The following MAGI1 variants were observed in gnomAD, a reference collection of about 807,000 sequenced individuals.
MAGI1 encodes membrane associated guanylate kinase, WW and PDZ domain containing 1.
MAGI1 carries 58 observed loss-of-function variants against 139.9 expected under a neutral mutation model. The ratio of observed to expected loss-of-function variants is 0.41; its 90% CI spans 0.34 to 0.52. MAGI1 has a LOEUF of 0.52. Ranked by LOEUF, MAGI1 falls within the 20% of genes least tolerant of loss-of-function variation. The pLI is 0.12. For missense variants in MAGI1, 1,874 were observed against 1,901.6 expected, an observed-to-expected ratio of 0.99 and a Z score of 0.27; for synonymous variants, 812 against 737.9, an observed-to-expected ratio of 1.10 and a Z score of -1.63.
Position 65,364,897 on chromosome 3 carries a change from G to A in MAGI1, c.3246C>T (p.Ile1082=), listed in dbSNP as rs748403286. 1.2e-6 allele frequency: 2 copies of A among 1,614,062 alleles called. No homozygotes were observed. Among genetic ancestry groups the A allele is most frequent in the East Asian group, 4.5e-5 (2 of 44,866 alleles). ...LLTNAEKIAT[I]TTTHTPSQQG... ...GCTGAGAAGGGGTGTGTGTGGTGGT[G>A]ATGGTGGCAATCTTCTCTGCATTGG... is the stretch of plus-strand genomic sequence containing the variant. The change falls in exon 19 of 23, where the codon ATC becomes ATT. Residue 1082 remains isoleucine (I), a synonymous_variant. Transcript: ENST00000402939.
At chr3:65,951,338 TACTC>T (rs1043221947) in intron 1 of MAGI1, among the ~76,000 whole-genome samples, 1 of 152,196 alleles carries the variant, frequency 6.6e-6, no homozygotes, top group Non-Finnish European at 1.5e-5. Context: ...AAATTGAAAA[TACTC>T]AATGCTGTTA....
intron 2 of MAGI1, among the ~76,000 whole-genome samples, chr3:65,519,064 C>G (rs1390796288): frequency 1.3e-5 from 2 of 152,198 alleles, no homozygotes; most frequent in East Asian, 3.9e-4. Flanking sequence ...ACAGGTAACA[C>G]CAAACGCAAA....
chr3:65,461,615 A>G (rs1413211347), intron 5 of MAGI1, among the ~76,000 whole-genome samples: 3 of 150,826 alleles, frequency 2.0e-5, no homozygotes, highest in Non-Finnish European at 4.4e-5. Context: ...CAGCCTCCCG[A>G]GTAGCTGGGA....
intron 1 of MAGI1, among the ~76,000 whole-genome samples, chr3:65,753,228 C>T (rs937709682): frequency 6.6e-6 from 1 of 152,128 alleles, no homozygotes; most frequent in African/African-American, 2.4e-5. Context: ...CAAATACACA[C>T]ACTCAGCTCA....
chr3:65,587,372 A>G (rs2081733948), intron 2 of MAGI1, among the ~76,000 whole-genome samples: 1 of 152,118 alleles, frequency 6.6e-6, no homozygotes, highest in South Asian at 2.1e-4. Flanking sequence ...TTTATTGAAT[A>G]CTGTACTGAA....
At position 66,025,308 on chromosome 3, in the gene MAGI1, G is replaced by A. The variant is rs142597406; in HGVS notation, c.313+12688C>T. Among the ~76,000 whole-genome samples, 1,035 of 152,294 alleles carry A rather than the reference G, an allele frequency of 6.8e-3. 13 individuals are homozygous for A. The highest frequency in any genetic ancestry group is 0.024 in the African/African-American group (999 of 41,558). On this transcript the variant is annotated intron_variant, in intron 1 of 22. Coordinates refer to ENST00000402939, the MANE Select transcript of MAGI1 (RefSeq NM_001033057.2). ...AATCCCAGCACTTTGGGAGGCCAAG[G>A]TGGGTGGATTGCTTGAGCCCAGGAT...
At chr3:65,505,421 A>G (rs2077242364) in intron 2 of MAGI1, among the ~76,000 whole-genome samples, 1 of 150,822 alleles carries the variant, frequency 6.6e-6, no homozygotes, top group Non-Finnish European at 1.5e-5. Context: ...AACTGGGGCC[A>G]GGCATGGTAG....
Position 65,819,819 on chromosome 3 carries a change from G to C in MAGI1, c.314-197731C>G, listed in dbSNP as rs533740957. Among the ~76,000 whole-genome samples the C allele has an allele frequency of 2.8e-4, 37 of 130,504 alleles. 1 individual carries two copies. Among genetic ancestry groups the C allele is most frequent in the African/African-American group, 9.6e-4 (34 of 35,542 alleles). The allele number at this position is 130,504 out of a possible 152,430, so 85.6% of individuals were successfully genotyped here. ...TTGAACCCAGGAGGCAGAGGTTGTA[G>C]TGAGCCGAGATCACACCACTGCACT... On this transcript the variant is annotated intron_variant, in intron 1 of 22. Transcript: ENST00000402939.
At position 65,356,653 on chromosome 3, in the gene MAGI1, G is replaced by A. The variant is rs1195208712; in HGVS notation, c.4114C>T (p.Arg1372Trp). 6.3e-7 allele frequency: 1 copy of A among 1,583,338 alleles called. No homozygotes were observed. Among genetic ancestry groups the A allele is most frequent in the East Asian group, 2.2e-5 (1 of 44,566 alleles). Residue 1372 changes from arginine (R) to tryptophan (W), a missense_variant, in exon 23 of 23, where the codon CGG becomes TGG. Around this residue, in one of 5 missense-constraint regions of MAGI1, gnomAD observed 653 missense variants for 644.5 expected, o/e 1.01. Coordinates refer to ENST00000402939, the MANE Select transcript of MAGI1 (RefSeq NM_001033057.2). ...RRDGSPSRRR[R>W]SLERLLEQRR... Reference sequence around the variant, plus strand: ...TGCTCCAGGAGTCTCTCCAGAGACCGTCTCCGCCGGCTGGGGGAGCCGTCT... The same window carrying A: ...TGCTCCAGGAGTCTCTCCAGAGACCATCTCCGCCGGCTGGGGGAGCCGTCT...
intron 12 of MAGI1, among the ~76,000 whole-genome samples, chr3:65,414,092 T>C (rs1254886390): frequency 1.3e-5 from 2 of 152,228 alleles, no homozygotes; most frequent in Admixed American, 6.5e-5. Flanking sequence ...TATTTCTTGG[T>C]AAATGAAGCT....
At chr3:65,598,953 C>T (rs1052770360) in intron 2 of MAGI1, among the ~76,000 whole-genome samples, 1 of 152,188 alleles carries the variant, frequency 6.6e-6, no homozygotes, top group South Asian at 2.1e-4. Context: ...CACCTTGTAG[C>T]AAGAGAGTGA....
chr3:66,011,466 G>A (rs1207379546), intron 1 of MAGI1, among the ~76,000 whole-genome samples: 1 of 152,026 alleles, frequency 6.6e-6, no homozygotes, highest in East Asian at 1.9e-4. Context: ...ATGCCCACAT[G>A]CAGTGAACAC....
At chr3:65,477,711 A>ATTATTATTATTT (rs376492339) in intron 4 of MAGI1, among the ~76,000 whole-genome samples, 6 of 141,606 alleles carry the variant, frequency 4.2e-5, no homozygotes, top group Admixed American at 2.1e-4. Context: ...TATTATTATT[A>ATTATTATTATTT]TTTTTTTTTT....
At chr3:65,671,868 A>G (rs1190268015) in intron 1 of MAGI1, among the ~76,000 whole-genome samples, 3 of 152,106 alleles carry the variant, frequency 2.0e-5, no homozygotes, top group Admixed American at 1.3e-4. Flanking sequence ...AAAAGTTCCT[A>G]CAACTCCAAT....
At chr3:65,985,743 AG>A (rs2065847115) in intron 1 of MAGI1, among the ~76,000 whole-genome samples, 1 of 152,136 alleles carries the variant, frequency 6.6e-6, no homozygotes, top group Admixed American at 6.6e-5. Context: ...GAGCAAGGAG[AG>A]GGGGTGGTTT....
intron 1 of MAGI1, among the ~76,000 whole-genome samples, chr3:65,732,599 A>C (rs17370143): frequency 0.048 from 7,368 of 152,344 alleles, 264 homozygotes; most frequent in Non-Finnish European, 0.077. Flanking sequence ...GAAAACAAGA[A>C]TGTGAAGTTG....
intron 2 of MAGI1, among the ~76,000 whole-genome samples, chr3:65,570,850 C>T (rs371330196): frequency 2.2e-4 from 34 of 152,220 alleles, no homozygotes; most frequent in Admixed American, 2.2e-3. Context: ...CCGTTTCAGG[C>T]TGCCTGGTTG....
At chr3:65,860,567 G>C (rs2059523602) in intron 1 of MAGI1, among the ~76,000 whole-genome samples, 1 of 152,180 alleles carries the variant, frequency 6.6e-6, no homozygotes. Context: ...GTGCTGCAGG[G>C]ATCTCTAACA....
intron 2 of MAGI1, among the ~76,000 whole-genome samples, chr3:65,561,339 C>T (rs566057144): frequency 2.3e-3 from 345 of 152,266 alleles, no homozygotes; most frequent in Non-Finnish European, 3.7e-3. Context: ...GACACCCAAT[C>T]TATGGCTGGG....
Sources: allele counts gnomAD v4.1 joint callset (sites outside exome capture counted in the v4.1 genomes callset), GRCh38; gene constraint gnomAD v4.1.1; regional missense constraint gnomAD v4.1.1; transcripts MANE v1.5; gene names NCBI Gene and HGNC (gene_info 2026-07-23, HGNC 2026-07-21).